The following MECOM variants were observed in gnomAD, a reference collection of about 807,000 sequenced individuals.
The protein encoded by MECOM is MDS1 and EVI1 complex locus.
In MECOM, 13 loss-of-function variants were observed where a neutral mutation model predicts 116.3. The observed-to-expected ratio is 0.11, with a 90% CI of 0.07 to 0.18. The LOEUF is 0.18. Ranked by LOEUF, MECOM falls within the 10% of genes least tolerant of loss-of-function variation. The probability of loss-of-function intolerance (pLI) is 1.00; values close to 1 mark genes in which losing one functional copy is unlikely to be tolerated. For missense variants in MECOM, 1,299 were observed against 1,509.0 expected (o/e 0.86, Z 2.31); for synonymous variants, 528 against 535.2 (o/e 0.99, Z 0.19).
At chr3:169,177,293 G>A (rs1025094209) in intron 2 of MECOM, among the ~76,000 whole-genome samples, 8 of 152,130 alleles carry the variant, frequency 5.3e-5, no homozygotes, top group Admixed American at 6.5e-5. Flanking sequence ...GCCTTAAAAA[G>A]AAATGAGATC....
In MECOM at chr3:169,573,793, T is replaced by C. The variant is rs185526439; in HGVS notation, c.37+89543A>G. On this transcript the variant is annotated intron_variant, in intron 1 of 16. Transcript: ENST00000651503. ...TACCAGTTTTTCCTATGGAAGATTTTTAAATTTCCTTCTAGGAAAAATAAA... is the reference window on the plus strand; with the variant it reads ...TACCAGTTTTTCCTATGGAAGATTTCTAAATTTCCTTCTAGGAAAAATAAA... Among the ~76,000 whole-genome samples, 552 of 152,362 alleles carry C rather than the reference T, an allele frequency of 3.6e-3. 1 individual carries two copies. Among genetic ancestry groups the C allele is most frequent in the Non-Finnish European group, 6.1e-3 (416 of 68,036 alleles).
chr3:169,349,083 C>G (rs1433303128), intron 2 of MECOM, among the ~76,000 whole-genome samples: 2 of 151,206 alleles, frequency 1.3e-5, no homozygotes, highest in African/African-American at 4.9e-5. Flanking sequence ...CCCTTTCCCC[C>G]CTCCCCCAGT....
intron 1 of MECOM, among the ~76,000 whole-genome samples, chr3:169,661,785 C>T (rs1374618003): frequency 6.6e-6 from 1 of 152,184 alleles, no homozygotes; most frequent in African/African-American, 2.4e-5. Flanking sequence ...TTCTAATGTG[C>T]GAGGGTCGCG....
intron 2 of MECOM, among the ~76,000 whole-genome samples, chr3:169,195,945 C>T (rs1408146189): frequency 6.6e-6 from 1 of 152,054 alleles, no homozygotes; most frequent in Non-Finnish European, 1.5e-5. Context: ...AGGAAATGCT[C>T]CATTAATCAT....
intron 2 of MECOM, among the ~76,000 whole-genome samples, chr3:169,224,503 ATATAGAAAAGTACAGTGC>A (rs1752499550): frequency 6.6e-6 from 1 of 152,220 alleles, no homozygotes; most frequent in African/African-American, 2.4e-5. Context: ...TGTCACCCAC[ATATAGAAAAGTACAGTGC>A]TATCCTGAGT....
chr3:169,484,973 G>T (rs1176943674), intron 1 of MECOM, among the ~76,000 whole-genome samples: 1 of 151,738 alleles, frequency 6.6e-6, no homozygotes, highest in African/African-American at 2.4e-5. Flanking sequence ...CTGCATTTCT[G>T]ATCTTTACTC....
At chr3:169,501,030 T>A (rs1365261583) in intron 1 of MECOM, among the ~76,000 whole-genome samples, 3 of 152,038 alleles carry the variant, frequency 2.0e-5, no homozygotes, top group Non-Finnish European at 4.4e-5. Flanking sequence ...TCAATGCATT[T>A]GTCCGTAGAA....
chr3:169,645,883 G>A (rs1261058214), intron 1 of MECOM, among the ~76,000 whole-genome samples: 1 of 152,158 alleles, frequency 6.6e-6, no homozygotes, highest in Non-Finnish European at 1.5e-5. Flanking sequence ...TCCACTACCT[G>A]AGTCCCATCC....
chr3:169,381,134 C>T (rs1298043082), intron 2 of MECOM, 53 bp downstream of exon 2: 6 of 1,476,244 alleles, frequency 4.1e-6, no homozygotes, highest in African/African-American at 1.4e-5. Context: ...TAAACAATCT[C>T]TTCTTTACAC....
At chr3:169,523,931 T>A (rs1440943606) in intron 1 of MECOM, among the ~76,000 whole-genome samples, 1 of 148,148 alleles carries the variant, frequency 6.8e-6, no homozygotes, top group Admixed American at 6.8e-5. Flanking sequence ...GTATATATAT[T>A]AGTGTAATAT....
intron 2 of MECOM, among the ~76,000 whole-genome samples, chr3:169,336,522 C>T (rs868576492): frequency 1.3e-5 from 2 of 151,814 alleles, no homozygotes; most frequent in Admixed American, 6.6e-5. Flanking sequence ...AAATAAAATA[C>T]ATGTTTAATA....
intron 1 of MECOM, among the ~76,000 whole-genome samples, chr3:169,396,513 T>A (rs1327382613): frequency 6.6e-6 from 1 of 152,198 alleles, no homozygotes; most frequent in African/African-American, 2.4e-5. Flanking sequence ...TAATATAATT[T>A]TGGATACACT....
intron 1 of MECOM, among the ~76,000 whole-genome samples, chr3:169,496,101 A>T (rs1753771086): frequency 6.6e-6 from 1 of 152,176 alleles, no homozygotes; most frequent in Non-Finnish European, 1.5e-5. Context: ...AAACAAGAAA[A>T]AGCCCTGTTG....
At chr3:169,614,330 T>C (rs995936907) in intron 1 of MECOM, among the ~76,000 whole-genome samples, 6 of 152,062 alleles carry the variant, frequency 3.9e-5, no homozygotes, top group African/African-American at 1.2e-4. Flanking sequence ...CCTTTTCCTC[T>C]AGTGAAGATC....
intron 1 of MECOM, among the ~76,000 whole-genome samples, chr3:169,659,144 T>C (rs1054697853): frequency 6.6e-6 from 1 of 151,114 alleles, no homozygotes; most frequent in African/African-American, 2.4e-5. Context: ...TGTTAATTTC[T>C]AGTCCTACAT....
chr3:169,472,657 A>AG lies in MECOM; in HGVS notation c.38-91134dup, dbSNP rs1553863348. On this transcript the variant is annotated intron_variant, in intron 1 of 16. Coordinates refer to ENST00000651503, the MANE Select transcript of MECOM (RefSeq NM_004991.4). ...GAAAAGGAAAGGAAAGGAAAAGAAAAGAAAGGAAAGGAAAGGAGAGGAGAG... is the reference window on the plus strand; with the variant it reads ...GAAAAGGAAAGGAAAGGAAAAGAAAAGGAAAGGAAAGGAAAGGAGAGGAGAG... Among the ~76,000 whole-genome samples, 64 of 55,914 alleles carry AG rather than the reference A, an allele frequency of 1.1e-3. 3 individuals are homozygous for AG. Among genetic ancestry groups the AG allele is most frequent in the African/African-American group, 4.3e-3 (51 of 11,752 alleles). The allele number at this position is 55,914 out of a possible 152,430, so 36.7% of individuals were successfully genotyped here. A position where few individuals can be genotyped will look rare whatever the true frequency, so the allele number is the denominator to read the frequency against.
intron 2 of MECOM, among the ~76,000 whole-genome samples, chr3:169,228,504 C>G (rs1426913391): frequency 1.3e-5 from 2 of 151,884 alleles, no homozygotes; most frequent in Non-Finnish European, 2.9e-5. Flanking sequence ...GTTGTATTTT[C>G]GTGAGACTAC....
chr3:169,472,533 A>AAAAGAAAAGGAAAGG lies in MECOM; in HGVS notation c.38-91010_38-91009insCCTTTCCTTTTCTTT, dbSNP rs1160223015. On this transcript the variant is annotated intron_variant, in intron 1 of 16. Transcript: ENST00000651503. ...GAAAGGAAAGGAAAGAAAAGAAAAG[A>AAAAGAAAAGGAAAGG]AAAGGAAAGGAAAGGAAAAGAAAAG... Among the ~76,000 whole-genome samples the AAAAGAAAAGGAAAGG allele has an allele frequency of 2.9e-4, 25 of 85,156 alleles. 1 individual carries two copies. The highest frequency in any genetic ancestry group is 9.7e-4 in the African/African-American group (16 of 16,488). The allele number at this position is 85,156 out of a possible 152,430, so 55.9% of individuals were successfully genotyped here.
chr3:169,540,134 T>C (rs1482796941), intron 1 of MECOM, among the ~76,000 whole-genome samples: 1 of 152,204 alleles, frequency 6.6e-6, no homozygotes, highest in Non-Finnish European at 1.5e-5. Context: ...CAGCTGCCTC[T>C]TGGATATCTC....
Sources: gnomAD v4.1 joint callset for allele counts (sites outside exome capture counted in the v4.1 genomes callset) on GRCh38, gnomAD v4.1.1 for gene constraint, MANE v1.5 for transcripts, NCBI Gene and HGNC (gene_info 2026-07-23, HGNC 2026-07-21) for gene names.